Variants in TRPM3 observed in about 807,000 individuals in gnomAD.
TRPM3 encodes the protein long transient receptor potential channel 3.
In TRPM3, 77 loss-of-function variants were observed where a neutral mutation model predicts 181.2. That is an observed-to-expected ratio of 0.42 (90% CI 0.35 to 0.51). TRPM3 has a LOEUF of 0.51. TRPM3 is among the 20% of genes least tolerant of loss of function. TRPM3 has a pLI of 0.01. For synonymous variants in TRPM3, 745 were observed against 796.4 expected (o/e 0.94, Z 1.09); for missense variants, 1,759 against 2,196.7 (o/e 0.80, Z 3.98).
At chr9:71,152,474 A>G (rs943078660) in intron 1 of TRPM3, among the ~76,000 whole-genome samples, 5 of 152,328 alleles carry the variant, frequency 3.3e-5, no homozygotes, top group Admixed American at 1.3e-4. Flanking sequence ...TTTATTTAAA[A>G]AAGGGTTCTA....
intron 12 of TRPM3, among the ~76,000 whole-genome samples, chr9:70,631,361 CTT>C (rs11285828): frequency 0.04 from 5,450 of 136,812 alleles, 215 homozygotes; most frequent in African/African-American, 0.13. Flanking sequence ...TCTGAAATGC[CTT>C]TTTTTTTTTT....
chr9:70,843,653 T>C (rs184172316), intron 4 of TRPM3, among the ~76,000 whole-genome samples: 1 of 152,332 alleles, frequency 6.6e-6, no homozygotes, highest in Admixed American at 6.5e-5. Context: ...GGAAAATTTA[T>C]GTTAAAATAT....
chr9:70,757,309 C>G lies in TRPM3; in HGVS notation c.1272+4292G>C, dbSNP rs2077256597. On this transcript the variant is annotated intron_variant, in intron 8 of 25. Coordinates refer to ENST00000677713, the MANE Select transcript of TRPM3 (RefSeq NM_001366145.2). ...GAAGAAGTCAAATCCCTGAATAGAC[C>G]AAAAACAAGTTCTGAAATTGAGGCA... 2.0e-5 allele frequency among the ~76,000 whole-genome samples: 3 copies of G among 152,118 alleles called. No individual in the cohort carries two copies. In the South Asian group the frequency reaches 6.2e-4, roughly 31 times the overall value.
intron 1 of TRPM3, among the ~76,000 whole-genome samples, chr9:71,254,210 G>A (rs113355893): frequency 6.6e-6 from 1 of 152,244 alleles, no homozygotes; most frequent in Non-Finnish European, 1.5e-5. Context: ...GAGCCACTGC[G>A]CCTGGCTGGA....
chr9:71,194,340 C>T (rs1354622068), intron 1 of TRPM3, among the ~76,000 whole-genome samples: 1 of 151,888 alleles, frequency 6.6e-6, no homozygotes, highest in Non-Finnish European at 1.5e-5. Flanking sequence ...AACCCTGTTT[C>T]CTCTTCTTCC....
intron 1 of TRPM3, among the ~76,000 whole-genome samples, chr9:70,965,940 C>T (rs1458196763): frequency 2.0e-5 from 3 of 150,970 alleles, no homozygotes; most frequent in Non-Finnish European, 4.4e-5. Context: ...AAACTATCAA[C>T]AGAGTAAACA....
intron 1 of TRPM3, among the ~76,000 whole-genome samples, chr9:71,037,517 G>T (rs976428337): frequency 6.6e-6 from 1 of 152,150 alleles, no homozygotes; most frequent in African/African-American, 2.4e-5. Context: ...ACACTTATAC[G>T]TGTGTGTGTG....
At chr9:71,253,388 T>C (rs2082471175) in intron 1 of TRPM3, among the ~76,000 whole-genome samples, 1 of 152,162 alleles carries the variant, frequency 6.6e-6, no homozygotes, top group African/African-American at 2.4e-5. Flanking sequence ...TTTTTAGTTG[T>C]TGCAAGTGGG....
rs1009466886 is a variant in TRPM3, at chr9:70,915,447, A to G, written c.178-50936T>C. Among the ~76,000 whole-genome samples, 122 of 148,332 alleles carry G rather than the reference A, an allele frequency of 8.2e-4. 2 individuals carry two copies. Among genetic ancestry groups the G allele is most frequent in the African/African-American group, 2.2e-3 (90 of 40,618 alleles). Reference sequence around the variant, plus strand: ...CAAGTAGCTGGGACTACAGGCGCCCACCACCATGCCCGGCTAATTTTTTTT... The same window carrying G: ...CAAGTAGCTGGGACTACAGGCGCCCGCCACCATGCCCGGCTAATTTTTTTT... On this transcript the variant is annotated intron_variant, in intron 1 of 25. Transcript: ENST00000677713.
rs184130694 is a variant in TRPM3, at chr9:70,805,303, T to C, written c.974-21024A>G. On this transcript the variant is annotated intron_variant, in intron 6 of 25. Transcript: ENST00000677713. ...CAGAGAGACCTAATGAAGGTTAAGA[T>C]TGACTTTACCTCACGAGGTCAGGAG... Among the ~76,000 whole-genome samples, 197 of 151,644 alleles carry C rather than the reference T, an allele frequency of 1.3e-3. 1 individual carries two copies. The highest frequency in any genetic ancestry group is 4.6e-3 in the African/African-American group (191 of 41,340).
chr9:71,376,343 A>G (rs1030437798), intron 1 of TRPM3, among the ~76,000 whole-genome samples: 5 of 152,008 alleles, frequency 3.3e-5, no homozygotes, highest in Non-Finnish European at 7.4e-5. Flanking sequence ...TGAAGAAACA[A>G]TTTTCCCTTG....
chr9:70,777,314 AGTCCAT>A (rs1176722532), intron 7 of TRPM3, among the ~76,000 whole-genome samples: 3 of 152,150 alleles, frequency 2.0e-5, no homozygotes, highest in Non-Finnish European at 4.4e-5. Context: ...AAGCAAATTT[AGTCCAT>A]GTAGGGCACT....
At chr9:71,345,049 C>T (rs2091208888) in intron 1 of TRPM3, among the ~76,000 whole-genome samples, 2 of 152,212 alleles carry the variant, frequency 1.3e-5, no homozygotes, top group Admixed American at 6.5e-5. Context: ...GATACCATCT[C>T]ATGCCAGTTT....
intron 3 of TRPM3, among the ~76,000 whole-genome samples, chr9:70,848,698 C>CAGTCTAGAATTCTACATT (rs1589201966): frequency 1.9e-5 from 2 of 103,686 alleles, no homozygotes; most frequent in Admixed American, 9.5e-5. Flanking sequence ...AATTACCTGG[C>CAGTCTAGAATTCTACATT]CGGGCGCGGT....
intron 1 of TRPM3, among the ~76,000 whole-genome samples, chr9:70,915,675 T>C (rs1255321360): frequency 1.3e-5 from 2 of 151,342 alleles, no homozygotes; most frequent in East Asian, 1.9e-4. Flanking sequence ...GGCAAGCTAT[T>C]TGAAAATACA....
At chr9:70,688,847 T>C (rs2067694903) in intron 8 of TRPM3, among the ~76,000 whole-genome samples, 1 of 152,164 alleles carries the variant, frequency 6.6e-6, no homozygotes, top group African/African-American at 2.4e-5. Context: ...CCTATGATTC[T>C]CTAAGCTTAA....
intron 8 of TRPM3, among the ~76,000 whole-genome samples, chr9:70,698,704 G>A (rs1029475460): frequency 1.3e-5 from 2 of 152,120 alleles, no homozygotes; most frequent in Non-Finnish European, 2.9e-5. Context: ...GATCGTGGGG[G>A]CAGAGTTCTC....
chr9:70,546,451 CCTG>C (rs2044909906), intron 25 of TRPM3, among the ~76,000 whole-genome samples: 1 of 152,088 alleles, frequency 6.6e-6, no homozygotes, highest in African/African-American at 2.4e-5. Context: ...TCTGGTCATC[CCTG>C]CTGGGATGCA....
At chr9:71,261,390 A>T (rs2083044663) in intron 1 of TRPM3, among the ~76,000 whole-genome samples, 1 of 152,090 alleles carries the variant, frequency 6.6e-6, no homozygotes, top group African/African-American at 2.4e-5. Flanking sequence ...TGGTTATTCT[A>T]GTTCGCAATT....
Sources: allele counts gnomAD v4.1 joint callset (sites outside exome capture counted in the v4.1 genomes callset), GRCh38; gene constraint gnomAD v4.1.1; transcripts MANE v1.5; gene names NCBI Gene and HGNC (gene_info 2026-07-23, HGNC 2026-07-21).